DCP2: variants seen among roughly 807,000 people sequenced by gnomAD.
DCP2 encodes the protein decapping mRNA 2.
In DCP2, 30 loss-of-function variants were observed where a neutral mutation model predicts 56.1. The ratio of observed to expected loss-of-function variants is 0.53; its 90% CI spans 0.40 to 0.73. DCP2 has a LOEUF of 0.73. Ranked by LOEUF, DCP2 falls within the 30% of genes least tolerant of loss-of-function variation. DCP2 has a pLI of 0.00. For missense variants in DCP2, 533 were observed against 502.7 expected, an observed-to-expected ratio of 1.06 and a Z score of -0.58; for synonymous variants, 197 against 163.3, an observed-to-expected ratio of 1.21 and a Z score of -1.57.
At chr5:113,008,231 A>G (rs964828961) in intron 9 of DCP2, 189 bp downstream of exon 9, 13 of 485,078 alleles carry the variant, frequency 2.7e-5, no homozygotes, top group Admixed American at 1.1e-4. Flanking sequence ...TTACAAATGT[A>G]TAATGTTGAT....
chr5:112,977,737 G>C (rs1379225023), intron 1 of DCP2, among the ~76,000 whole-genome samples: 2 of 152,102 alleles, frequency 1.3e-5, no homozygotes, highest in African/African-American at 4.8e-5. Flanking sequence ...AACACGTGTA[G>C]GATACTTAAA....
At chr5:112,977,687 T>A (rs563912088) in intron 1 of DCP2, among the ~76,000 whole-genome samples, 12 of 152,346 alleles carry the variant, frequency 7.9e-5, no homozygotes, top group Non-Finnish European at 1.6e-4. Context: ...AGAAATTTTC[T>A]GCATTCTTCC....
In DCP2 at chr5:113,019,210, A is replaced by G. The variant is rs1370143657; in HGVS notation, c.*5726A>G. ...AGATTGGCAGGCATATCCTTTTGTG[A>G]TACTTAGGAAAAGACTATGGATGGC... On this transcript the variant is annotated 3_prime_UTR_variant, in exon 11 of 11. Coordinates refer to ENST00000389063, the MANE Select transcript of DCP2 (RefSeq NM_152624.6). 2 of 152,222 alleles carry G rather than the reference A, an allele frequency of 1.3e-5. No homozygotes were observed. The highest frequency in any genetic ancestry group is 4.8e-5 in the African/African-American group (2 of 41,466). The allele number at this position is 152,222 out of a possible 1,614,324, so 9.4% of individuals were successfully genotyped here. A position where few individuals can be genotyped will look rare whatever the true frequency, so the allele number is the denominator to read the frequency against.
At chr5:113,001,047 C>G (rs759430330) in intron 4 of DCP2, 37 bp from the exon 5 acceptor site, 4 of 1,559,062 alleles carry the variant, frequency 2.6e-6, no homozygotes, top group Non-Finnish European at 2.6e-6. Flanking sequence ...GGCCTAAGAA[C>G]TAAAATGAAA....
At chr5:113,013,063 G>C (rs893830657) in intron 10 of DCP2, among the ~76,000 whole-genome samples, 1 of 152,180 alleles carries the variant, frequency 6.6e-6, no homozygotes, top group African/African-American at 2.4e-5. Flanking sequence ...CGCTCATTTT[G>C]AAAGCAAAGG....
At position 112,990,331 on chromosome 5, in the gene DCP2, A is replaced by G. The variant is rs574946401; in HGVS notation, c.206-1790A>G. 4.6e-5 allele frequency among the ~76,000 whole-genome samples: 7 copies of G among 152,244 alleles called. No homozygotes were observed. In the East Asian group the frequency reaches 1.3e-3, roughly 29 times the overall value. Reference sequence around the variant, plus strand: ...TATGCCTCTGTTTTCTCTTTTGTAAATTATGCATAGTCTTTGATTTTTTTT... The same window carrying G: ...TATGCCTCTGTTTTCTCTTTTGTAAGTTATGCATAGTCTTTGATTTTTTTT... On this transcript the variant is annotated intron_variant, in intron 2 of 10. Coordinates refer to ENST00000389063, the MANE Select transcript of DCP2 (RefSeq NM_152624.6).
At position 113,020,082 on chromosome 5, in the gene DCP2, A is replaced by C. The variant is rs1384689840; in HGVS notation, c.*6598A>C. ...TCTTAAAACAATTTGTTTGGGAGTA[A>C]GTTTTAGTCGGAAAAAGGTGAAGAT... On this transcript the variant is annotated 3_prime_UTR_variant, in exon 11 of 11. Coordinates refer to ENST00000389063, the MANE Select transcript of DCP2 (RefSeq NM_152624.6). 6.6e-6 allele frequency: 1 copy of C among 152,228 alleles called. No homozygotes were observed. 9.4% of individuals were successfully genotyped at this position (152,228 alleles called of 1,614,324 possible).
intron 1 of DCP2, chr5:112,984,659 G>T (rs1451827722): frequency 7.8e-6 from 1 of 127,880 alleles, no homozygotes; most frequent in Admixed American, 8.4e-5. Flanking sequence ...CTACTCCAGT[G>T]TTGCAGTGTT....
At position 113,013,579 on chromosome 5, in the gene DCP2, GA is replaced by G; in HGVS notation, c.*98del. On this transcript the variant is annotated 3_prime_UTR_variant, in exon 11 of 11. Coordinates refer to ENST00000389063, the MANE Select transcript of DCP2 (RefSeq NM_152624.6). ...CCTTACCTTTCTCAGGTGTTTTAAA[GA>G]AATGCAGGGAGGCAATGTTTCTGAA... is the stretch of plus-strand genomic sequence containing the variant. 2.1e-6 allele frequency: 3 copies of G among 1,400,746 alleles called. No individual in the cohort carries two copies. The highest frequency in any genetic ancestry group is 2.9e-6 in the Non-Finnish European group (3 of 1,028,322). The allele number at this position is 1,400,746 out of a possible 1,614,324, so 86.8% of individuals were successfully genotyped here.
At position 113,010,781 on chromosome 5, in the gene DCP2, G is replaced by A. The variant is rs763198678; in HGVS notation, c.1073G>A (p.Arg358Gln). 8 of 1,593,418 alleles carry A rather than the reference G, an allele frequency of 5.0e-6. No individual in the cohort carries two copies. Among genetic ancestry groups the A allele is most frequent in the African/African-American group, 4.1e-5 (3 of 73,296 alleles). ...AAGTGTGAAAAGAAACTTCATCCAC[G>A]GAAACTTCAGGATAATTTTGAAACA... ...LMKCEKKLHP[R>Q]KLQDNFETDA... Residue 358 changes from arginine (R) to glutamine (Q), a missense_variant, in exon 10 of 11, where the codon CGG (arginine) becomes CAG (glutamine). Around this residue, in one of 3 missense-constraint regions of DCP2, gnomAD observed 392 missense variants for 346.6 expected, o/e 1.13. Transcript: ENST00000389063.
chr5:113,012,752 T>C (rs768687540), intron 10 of DCP2, among the ~76,000 whole-genome samples: 2 of 152,196 alleles, frequency 1.3e-5, no homozygotes, highest in Non-Finnish European at 2.9e-5. Flanking sequence ...CAAGTCATTC[T>C]CCTGCCTCAG....
chr5:112,976,958 C>CAA lies in DCP2; in HGVS notation c.25_26insAA (p.Pro9GlnfsTer55). On this transcript the variant is annotated frameshift_variant, in exon 1 of 11. Coordinates refer to ENST00000389063, the MANE Select transcript of DCP2 (RefSeq NM_152624.6). LOFTEE classifies it high-confidence loss of function. The stretch of plus-strand genomic sequence containing the variant: ...CATGGAGACCAAACGGGTGGAGATT[C>CAA]CCGGCAGCGTCCTGGACGATCTCTG... 6.3e-7 allele frequency: 1 copy of CAA among 1,596,470 alleles called. No individual in the cohort carries two copies. The highest frequency in any genetic ancestry group is 1.1e-5 in the South Asian group (1 of 89,950).
chr5:113,002,876 T>G (rs943136893), intron 7 of DCP2, among the ~76,000 whole-genome samples: 1 of 152,204 alleles, frequency 6.6e-6, no homozygotes, highest in Non-Finnish European at 1.5e-5. Context: ...GCTGGGAAAG[T>G]AACTTTGTTA....
chr5:113,003,825 T>TG (rs2150185806), intron 7 of DCP2, 117 bp from the exon 8 acceptor site: 1 of 1,163,050 alleles, frequency 8.6e-7, no homozygotes, highest in Non-Finnish European at 1.2e-6. Context: ...TACATTCCAG[T>TG]GGGGAAGATA....
chr5:112,977,289 A>G (rs1204925899), intron 1 of DCP2, among the ~76,000 whole-genome samples: 3 of 151,982 alleles, frequency 2.0e-5, no homozygotes, highest in African/African-American at 4.8e-5. Flanking sequence ...CCTGGGTCTT[A>G]GCGTTTTGCC....
chr5:113,012,756 G>C (rs1426336776), intron 10 of DCP2, among the ~76,000 whole-genome samples: 1 of 152,116 alleles, frequency 6.6e-6, no homozygotes, highest in Non-Finnish European at 1.5e-5. Flanking sequence ...TCATTCTCCT[G>C]CCTCAGCCTT....
chr5:112,984,862 A>G (rs1057514606), intron 1 of DCP2, among the ~76,000 whole-genome samples: 2 of 151,090 alleles, frequency 1.3e-5, no homozygotes, highest in Non-Finnish European at 2.9e-5. Flanking sequence ...ATGCCACCAT[A>G]TCTGGCTAAT....
intron 1 of DCP2, among the ~76,000 whole-genome samples, chr5:112,982,990 A>T (rs538411253): frequency 9.9e-4 from 150 of 152,256 alleles, no homozygotes; most frequent in African/African-American, 3.4e-3. Context: ...TTCATTTTTT[A>T]AAATACAGAT....
At chr5:113,006,157 A>G (rs1341081155) in intron 8 of DCP2, among the ~76,000 whole-genome samples, 1 of 152,056 alleles carries the variant, frequency 6.6e-6, no homozygotes, top group African/African-American at 2.4e-5. Context: ...GCATGCTACA[A>G]TATGGGTAAA....
Sources: gnomAD v4.1 joint callset for allele counts (sites outside exome capture counted in the v4.1 genomes callset) on GRCh38, gnomAD v4.1.1 for gene constraint, gnomAD v4.1.1 regional missense constraint, MANE v1.5 for transcripts, NCBI Gene and HGNC (gene_info 2026-07-23, HGNC 2026-07-21) for gene names.